The following AGMO variants were observed in gnomAD, a reference collection of about 807,000 sequenced individuals.
The protein encoded by AGMO is alkylglycerol monooxygenase.
In AGMO, 75 loss-of-function variants were observed where a neutral mutation model predicts 60.2. The ratio of observed to expected loss-of-function variants is 1.25; its 90% CI spans 1.03 to 1.51. AGMO has a LOEUF of 1.51. Ranked by LOEUF, AGMO falls within the 40% of genes most tolerant of loss-of-function variation. AGMO has a pLI of 0.00. For missense variants in AGMO, 763 were observed against 525.5 expected (o/e 1.45, Z -4.42); for synonymous variants, 261 against 177.1 (o/e 1.47, Z -3.76).
intron 8 of AGMO, among the ~76,000 whole-genome samples, chr7:15,390,067 T>C (rs1023665968): frequency 6.6e-6 from 1 of 152,094 alleles, no homozygotes; most frequent in Non-Finnish European, 1.5e-5. Flanking sequence ...CCCAGGAGTA[T>C]TTGTGGTGGT....
At chr7:15,230,035 CTT>C (rs1228321996) in intron 12 of AGMO, among the ~76,000 whole-genome samples, 1 of 151,662 alleles carries the variant, frequency 6.6e-6, no homozygotes, top group Non-Finnish European at 1.5e-5. Context: ...ACATTAATTT[CTT>C]ATTTTAAAAC....
chr7:15,350,660 G>A (rs776749452), intron 12 of AGMO, among the ~76,000 whole-genome samples: 19 of 152,116 alleles, frequency 1.2e-4, no homozygotes, highest in Non-Finnish European at 2.8e-4. Context: ...AGATCTGAAC[G>A]CATTTAGGGA....
chr7:15,197,083 A>C (rs1370799245), downstream of AGMO, among the ~76,000 whole-genome samples: 1 of 152,002 alleles, frequency 6.6e-6, no homozygotes, highest in Non-Finnish European at 1.5e-5. Flanking sequence ...AGGCAGGCTT[A>C]AGATAGAGCC....
At position 15,271,302 on chromosome 7, in the gene AGMO, T is replaced by G. The variant is rs537929825; in HGVS notation, c.1264-69943A>C. ...ATATTGATTCTTCCATCCCATCATA[T>G]GGGATATTTTTCCATTTGTTTATGT... On this transcript the variant is annotated intron_variant, in intron 12 of 12. Coordinates refer to ENST00000342526, the MANE Select transcript of AGMO (RefSeq NM_001004320.2). Among the ~76,000 whole-genome samples the G allele has an allele frequency of 3.3e-5, 5 of 152,278 alleles. No homozygotes were observed. In the East Asian group the frequency reaches 9.7e-4, roughly 29 times the overall value.
rs1353210078 is a variant in AGMO, at chr7:15,560,247, T to C, written c.151A>G (p.Met51Val). The change falls in exon 2 of 13, where the codon ATG becomes GTG. Residue 51 changes from methionine to valine, a missense_variant. By Grantham distance (21) the Met-to-Val change is conservative (BLOSUM62 1). Transcript: ENST00000342526. The stretch of plus-strand genomic sequence containing the variant: ...CAGCTGACAACAAGTTCAAGCAGCA[T>C]CAAAGAAATGAAAAATGGAGTTGCC... ...KKATPFFISL[M>V]LLELVVSWIL... The C allele has an allele frequency of 3.7e-6, 6 of 1,612,316 alleles. No individual in the cohort carries two copies. Among genetic ancestry groups the C allele is most frequent in the Non-Finnish European group, 5.1e-6 (6 of 1,178,872 alleles).
chr7:15,193,637 A>T, the AGMO span, among the ~76,000 whole-genome samples: 1 of 152,182 alleles, frequency 6.6e-6, no homozygotes, highest in South Asian at 2.1e-4. Context: ...GTTTTCAATA[A>T]GTGAAATTCA....
chr7:15,322,497 A>AATATATAAATATGTATAAAT (rs1781148948), intron 12 of AGMO, among the ~76,000 whole-genome samples: 2 of 57,712 alleles, frequency 3.5e-5, no homozygotes, highest in African/African-American at 6.8e-5. Context: ...AATATATATA[A>AATATATAAATATGTATAAAT]ATATATAAAT....
At chr7:15,133,400 A>G in the AGMO span, among the ~76,000 whole-genome samples, 1 of 152,176 alleles carries the variant, frequency 6.6e-6, no homozygotes, top group East Asian at 1.9e-4. Flanking sequence ...AAGTGCTGAA[A>G]TGGTTTCAGT....
rs145519194 is a variant in AGMO, at chr7:15,516,754, A to G, written c.409+28018T>C. 6.2e-3 allele frequency among the ~76,000 whole-genome samples: 946 copies of G among 151,528 alleles called. 8 individuals are homozygous for G. The highest frequency in any genetic ancestry group is 0.015 in the South Asian group (72 of 4,824). The stretch of plus-strand genomic sequence containing the variant: ...AGCCCTTGGGAGAAGTGAAAAAGTT[A>G]CATCCTTTTTTTTTTTCAGGTTTTA... On this transcript the variant is annotated intron_variant, in intron 3 of 12. Coordinates refer to ENST00000342526, the MANE Select transcript of AGMO (RefSeq NM_001004320.2).
intron 3 of AGMO, among the ~76,000 whole-genome samples, chr7:15,488,325 A>G (rs973762123): frequency 1.3e-5 from 2 of 152,226 alleles, no homozygotes; most frequent in African/African-American, 4.8e-5. Context: ...ATCATTCACA[A>G]TGCATACTTA....
intron 12 of AGMO, among the ~76,000 whole-genome samples, chr7:15,239,351 T>C (rs1400863238): frequency 1.3e-5 from 2 of 152,116 alleles, no homozygotes; most frequent in Non-Finnish European, 2.9e-5. Context: ...ATGAGTTCCA[T>C]TGCAGATGGA....
At chr7:15,233,452 C>T (rs116465581) in intron 12 of AGMO, among the ~76,000 whole-genome samples, 61 of 152,030 alleles carry the variant, frequency 4.0e-4, no homozygotes, top group African/African-American at 1.4e-3. Flanking sequence ...GATTCGAATA[C>T]GGAGAAGCAG....
chr7:15,498,518 A>C (rs1783295446), intron 3 of AGMO, among the ~76,000 whole-genome samples: 1 of 151,984 alleles, frequency 6.6e-6, no homozygotes, highest in South Asian at 2.1e-4. Context: ...GTGTGCACAG[A>C]ATAAAGAAGG....
chr7:15,493,365 C>CTTTTTTTTTTTTTT lies in AGMO; in HGVS notation c.409+51393_409+51406dup, dbSNP rs71004387. 3.0e-5 allele frequency among the ~76,000 whole-genome samples: 2 copies of CTTTTTTTTTTTTTT among 66,654 alleles called. 1 individual carries two copies. The highest frequency in any genetic ancestry group is 5.4e-5 in the Non-Finnish European group (2 of 37,082). The allele number at this position is 66,654 out of a possible 152,430, so 43.7% of individuals were successfully genotyped here. A position where few individuals can be genotyped will look rare whatever the true frequency, so the allele number is the denominator to read the frequency against. ...CACACACACACACACACACACACTT[C>CTTTTTTTTTTTTTT]TTTTTTTTTTTTTTTTTTTTTTTTT... is the stretch of plus-strand genomic sequence containing the variant. On this transcript the variant is annotated intron_variant, in intron 3 of 12. Transcript: ENST00000342526.
intron 10 of AGMO, among the ~76,000 whole-genome samples, chr7:15,384,395 G>A: frequency 6.6e-6 from 1 of 152,110 alleles, no homozygotes; most frequent in East Asian, 1.9e-4. Context: ...TGCCTCACTG[G>A]ATTCATATAT....
At position 15,430,878 on chromosome 7, in the gene AGMO, G is replaced by C. The variant is rs2128498212; in HGVS notation, c.513+127C>G. 5.5e-6 allele frequency: 3 copies of C among 542,400 alleles called. No individual in the cohort carries two copies. In the East Asian group the frequency reaches 9.5e-5, roughly 17 times the overall value. 33.6% of individuals were successfully genotyped at this position (542,400 alleles called of 1,614,324 possible). On this transcript the variant is annotated intron_variant, in intron 4 of 12. Transcript: ENST00000342526. ...AGAAAGATTTTAGCATCTGGCTTTA[G>C]AAAGAAGAGAGAAGCATTTTAGTAA...
At chr7:15,233,215 T>G (rs1363250020) in intron 12 of AGMO, among the ~76,000 whole-genome samples, 2 of 152,204 alleles carry the variant, frequency 1.3e-5, no homozygotes, top group African/African-American at 4.8e-5. Context: ...CTTTTTTAAT[T>G]TGGACTACTG....
chr7:15,409,036 T>C (rs1336564723), intron 5 of AGMO, among the ~76,000 whole-genome samples: 1 of 151,798 alleles, frequency 6.6e-6, no homozygotes, highest in East Asian at 1.9e-4. Context: ...CCAGTATTAT[T>C]GAGCTGCACA....
chr7:15,406,646 TATATGTGTATATATATGGAATATACATA>T, intron 5 of AGMO, among the ~76,000 whole-genome samples: 1 of 55,844 alleles, frequency 1.8e-5, no homozygotes, highest in Non-Finnish European at 3.5e-5. Context: ...AATATACATA[TATATGTGTATATATATGGAATATACATA>T]TATATGTGTA....
Sources: allele counts gnomAD v4.1 joint callset (sites outside exome capture counted in the v4.1 genomes callset), GRCh38; gene constraint gnomAD v4.1.1; transcripts MANE v1.5; gene names NCBI Gene and HGNC (gene_info 2026-07-23, HGNC 2026-07-21).